The following STAG1 variants were observed in gnomAD, a reference collection of about 807,000 sequenced individuals.
STAG1 encodes the protein STAG1 cohesin complex component, also known as cohesin subunit SA-1.
A neutral mutation model predicts 170.9 loss-of-function variants in STAG1; 26 were observed. That is an observed-to-expected ratio of 0.15 (90% CI 0.11 to 0.21). STAG1 has a LOEUF of 0.21. Ranked by LOEUF, STAG1 falls within the 10% of genes least tolerant of loss-of-function variation. The pLI is 1.00. For missense variants in STAG1, 964 were observed against 1,509.5 expected, an observed-to-expected ratio of 0.64 and a Z score of 5.99; for synonymous variants, 514 against 497.7, an observed-to-expected ratio of 1.03 and a Z score of -0.44.
chr3:136,416,369 G>A (rs565763185), intron 21 of STAG1, among the ~76,000 whole-genome samples: 1 of 152,222 alleles, frequency 6.6e-6, no homozygotes, highest in Admixed American at 6.5e-5. Flanking sequence ...TAAAAATGGA[G>A]GAAATAAGAC....
intron 22 of STAG1, among the ~76,000 whole-genome samples, chr3:136,393,350 C>T (rs1166758028): frequency 1.3e-5 from 2 of 151,994 alleles, no homozygotes; most frequent in Non-Finnish European, 2.9e-5. Flanking sequence ...TGTAAAAATA[C>T]AAAAATTAGC....
At chr3:136,392,715 G>A (rs1409729439) in intron 22 of STAG1, among the ~76,000 whole-genome samples, 3 of 145,202 alleles carry the variant, frequency 2.1e-5, no homozygotes, top group East Asian at 2.0e-4. Context: ...GCAGTGAGCC[G>A]AGATTGTGCA....
chr3:136,472,334 T>C, intron 12 of STAG1, 79 bp downstream of exon 12: 1 of 948,052 alleles, frequency 1.1e-6, no homozygotes, highest in Middle Eastern at 3.3e-4. Context: ...AAGGACTATA[T>C]ATAGATAGGA....
chr3:136,356,150 G>C (rs1936645071), intron 28 of STAG1, among the ~76,000 whole-genome samples: 2 of 150,862 alleles, frequency 1.3e-5, no homozygotes, highest in South Asian at 4.2e-4. Flanking sequence ...TCAGCCTCCG[G>C]AATAGCTGGG....
intron 1 of STAG1, among the ~76,000 whole-genome samples, chr3:136,687,277 G>A (rs1339905276): frequency 6.6e-6 from 1 of 152,146 alleles, no homozygotes; most frequent in Non-Finnish European, 1.5e-5. Context: ...GTTACTTGTA[G>A]GGAGGTGACA....
chr3:136,477,088 A>G (rs2089771751), intron 10 of STAG1, among the ~76,000 whole-genome samples: 1 of 152,200 alleles, frequency 6.6e-6, no homozygotes. Flanking sequence ...TATTGTAACT[A>G]AACAAGATAG....
intron 2 of STAG1, 150 bp downstream of exon 2, chr3:136,630,720 C>T (rs892060126): frequency 9.6e-6 from 6 of 627,518 alleles, no homozygotes; most frequent in Admixed American, 6.3e-5. Flanking sequence ...GGTAATTACA[C>T]ACCCTACTAC....
chr3:136,343,387 C>A lies in STAG1; in HGVS notation c.3446+445G>T, dbSNP rs1368228566. 3.3e-5 allele frequency among the ~76,000 whole-genome samples: 5 copies of A among 152,256 alleles called. No homozygotes were observed. The East Asian group carries it at 5.8e-4, about 18-fold the overall frequency. ...AGTAAGATCTTAAAAATTCTTAATC[C>A]ATGAGAAGTTTGAGTTTAAAATGTA... On this transcript the variant is annotated intron_variant, in intron 30 of 33. Transcript: ENST00000383202.
At chr3:136,652,753 T>G (rs1313053272) in intron 1 of STAG1, among the ~76,000 whole-genome samples, 2 of 152,038 alleles carry the variant, frequency 1.3e-5, no homozygotes, top group African/African-American at 4.8e-5. Context: ...AATCAGAAAT[T>G]AAAATAAACT....
chr3:136,648,986 A>C (rs781503050), intron 1 of STAG1, among the ~76,000 whole-genome samples: 4 of 152,196 alleles, frequency 2.6e-5, no homozygotes, highest in Non-Finnish European at 5.9e-5. Context: ...TAAACATAGC[A>C]AGCAAAAATT....
intron 1 of STAG1, among the ~76,000 whole-genome samples, chr3:136,652,210 A>T (rs2107856908): frequency 6.6e-6 from 1 of 152,386 alleles, no homozygotes; most frequent in African/African-American, 2.4e-5. Flanking sequence ...AACTTATACA[A>T]TTCTGAGAGG....
intron 28 of STAG1, among the ~76,000 whole-genome samples, chr3:136,352,548 A>G (rs1365758992): frequency 6.6e-6 from 1 of 152,198 alleles, no homozygotes. Flanking sequence ...AAGCAACAGC[A>G]CCTTGGCCCA....
intron 1 of STAG1, among the ~76,000 whole-genome samples, chr3:136,685,159 A>G (rs913386611): frequency 1.3e-5 from 2 of 152,140 alleles, no homozygotes; most frequent in African/African-American, 4.8e-5. Context: ...TACTAAAAAT[A>G]CAAAAAATTA....
chr3:136,361,964 CTTTT>C (rs1248618462), intron 26 of STAG1, among the ~76,000 whole-genome samples: 2 of 151,076 alleles, frequency 1.3e-5, no homozygotes, highest in African/African-American at 4.9e-5. Context: ...TCTTTTCTTT[CTTTT>C]TTTTGAGACA....
At chr3:136,590,996 T>G (rs1322923029) in intron 4 of STAG1, among the ~76,000 whole-genome samples, 1 of 151,448 alleles carries the variant, frequency 6.6e-6, no homozygotes, top group Non-Finnish European at 1.5e-5. Context: ...GTTGTTTTGT[T>G]TTTTTTTGCA....
intron 21 of STAG1, among the ~76,000 whole-genome samples, chr3:136,410,056 A>T (rs1313886817): frequency 1.4e-5 from 2 of 147,448 alleles, no homozygotes; most frequent in East Asian, 3.9e-4. Flanking sequence ...TGCAACAGGG[A>T]AAGTCCTTGT....
At chr3:136,599,498 T>C (rs1938575815) in intron 4 of STAG1, among the ~76,000 whole-genome samples, 1 of 152,064 alleles carries the variant, frequency 6.6e-6, no homozygotes, top group South Asian at 2.1e-4. Flanking sequence ...GCCACTGCAC[T>C]CCAGCCTGGG....
intron 14 of STAG1, among the ~76,000 whole-genome samples, chr3:136,447,102 C>T (rs551426020): frequency 6.6e-6 from 1 of 151,856 alleles, no homozygotes; most frequent in South Asian, 2.1e-4. Flanking sequence ...TCGTGCCTGG[C>T]ATTTTTGGGA....
intron 9 of STAG1, among the ~76,000 whole-genome samples, chr3:136,497,772 G>A (rs564886352): frequency 4.4e-4 from 65 of 149,422 alleles, no homozygotes; most frequent in African/African-American, 1.2e-3. Context: ...GGAGAATGGC[G>A]TGAACCCGGG....
Sources: allele counts gnomAD v4.1 joint callset (sites outside exome capture counted in the v4.1 genomes callset), GRCh38; gene constraint gnomAD v4.1.1; transcripts MANE v1.5; gene names NCBI Gene and HGNC (gene_info 2026-07-23, HGNC 2026-07-21).